The following ITPR2 variants were observed in gnomAD, a reference collection of about 807,000 sequenced individuals.
ITPR2 encodes inositol 1,4,5-trisphosphate-gated calcium channel ITPR2.
In ITPR2, 207 loss-of-function variants were observed where a neutral mutation model predicts 317.1. The observed-to-expected ratio is 0.65, with a 90% confidence interval of 0.58 to 0.73. ITPR2 has a LOEUF of 0.73. Among genes scored for constraint, ITPR2 ranks in the 30% least tolerant of loss-of-function variants. The pLI is 0.00. For missense variants in ITPR2, 2,613 were observed against 3,284.0 expected (o/e 0.80, Z 4.99); for synonymous variants, 1,156 against 1,149.1 (o/e 1.01, Z -0.12).
intron 55 of ITPR2, among the ~76,000 whole-genome samples, chr12:26,346,406 T>C (rs1334419497): frequency 6.6e-6 from 1 of 152,190 alleles, no homozygotes; most frequent in East Asian, 1.9e-4. Flanking sequence ...GCAGATCACC[T>C]GAGGTCAGGA....
In ITPR2 at chr12:26,335,587, G is replaced by T. The variant is rs755735409; in HGVS notation, c.*3810C>A. On this transcript the variant is annotated 3_prime_UTR_variant, in exon 57 of 57. Transcript: ENST00000381340. ...CAGCTTTCTCGATTTTCACATGCAC[G>T]TTAGGCTATCTGGTTTTGATAGTGC... Among the ~76,000 whole-genome samples the T allele has an allele frequency of 1.3e-5, 2 of 152,274 alleles. No individual in the cohort carries two copies. The highest frequency in any genetic ancestry group is 3.9e-4 in the East Asian group (2 of 5,190).
Position 26,387,452 on chromosome 12 carries a change from A to G in ITPR2, c.7839T>C (p.Tyr2613=). The change falls in exon 55 of 57, where the codon TAT becomes TAC. Residue 2613 remains tyrosine (Y), a synonymous_variant. Transcript: ENST00000381340. ...DPTEYTGPES[Y]VAQMIVEKNL... ...CACTCACCACAATCATTTGAGCCAC[A>G]TAACTTTCAGGTCCAGTGTATTCTG... 2 of 1,613,734 alleles carry G rather than the reference A, an allele frequency of 1.2e-6. No individual in the cohort carries two copies. The highest frequency in any genetic ancestry group is 1.7e-6 in the Non-Finnish European group (2 of 1,179,794).
intron 13 of ITPR2, among the ~76,000 whole-genome samples, chr12:26,667,141 A>T (rs1320478875): frequency 6.6e-6 from 1 of 152,238 alleles, no homozygotes; most frequent in Non-Finnish European, 1.5e-5. Flanking sequence ...TCATGAATAC[A>T]TTCATAAGAA....
chr12:26,611,085 G>A (rs1015469585), intron 26 of ITPR2, among the ~76,000 whole-genome samples: 10 of 152,204 alleles, frequency 6.6e-5, no homozygotes, highest in South Asian at 2.1e-4. Flanking sequence ...AAACTGTTCC[G>A]GCACCAGGCA....
At chr12:26,731,750 A>G (rs531824187) in intron 2 of ITPR2, among the ~76,000 whole-genome samples, 11 of 152,314 alleles carry the variant, frequency 7.2e-5, no homozygotes, top group African/African-American at 2.6e-4. Context: ...ATGAGCTATG[A>G]TCACACCACT....
chr12:26,782,808 ATAGTT>A (rs1565761026), intron 2 of ITPR2, among the ~76,000 whole-genome samples: 1 of 152,254 alleles, frequency 6.6e-6, no homozygotes, highest in Non-Finnish European at 1.5e-5. Context: ...CAAATCTGAA[ATAGTT>A]TCAGTCTTCA....
intron 34 of ITPR2, among the ~76,000 whole-genome samples, chr12:26,571,493 C>A (rs1307420585): frequency 6.6e-6 from 1 of 152,190 alleles, no homozygotes; most frequent in East Asian, 1.9e-4. Flanking sequence ...TTTGAAAACT[C>A]TATATATTTG....
Position 26,788,775 on chromosome 12 carries a change from T to A in ITPR2, c.163+1382A>T, listed in dbSNP as rs374896642. 4.7e-3 allele frequency among the ~76,000 whole-genome samples: 715 copies of A among 152,316 alleles called. 6 individuals are homozygous for A. Among genetic ancestry groups the A allele is most frequent in the African/African-American group, 0.016 (683 of 41,572 alleles). ...CTTCTTTGTATCTCTCTGTGCTATA[T>A]TCTGGGTGGTTTCCTCAGATCTCTC... On this transcript the variant is annotated intron_variant, in intron 2 of 56. Coordinates refer to ENST00000381340, the MANE Select transcript of ITPR2 (RefSeq NM_002223.4).
At chr12:26,525,148 C>T (rs985180784) in intron 37 of ITPR2, among the ~76,000 whole-genome samples, 1 of 152,122 alleles carries the variant, frequency 6.6e-6, no homozygotes, top group African/African-American at 2.4e-5. Flanking sequence ...AAAGATTTTA[C>T]TGTAAAATAT....
chr12:26,500,329 G>A (rs1010120402), intron 37 of ITPR2, among the ~76,000 whole-genome samples: 1 of 152,098 alleles, frequency 6.6e-6, no homozygotes, highest in African/African-American at 2.4e-5. Flanking sequence ...CAGAAATGAG[G>A]GAAGAACTAA....
chr12:26,380,513 C>T (rs1031830130), intron 55 of ITPR2, among the ~76,000 whole-genome samples: 4 of 152,134 alleles, frequency 2.6e-5, no homozygotes, highest in African/African-American at 9.7e-5. Flanking sequence ...GCTGCAAAGA[C>T]CCCCTTGGCT....
In ITPR2 at chr12:26,691,984, T is replaced by C. The variant is rs141759380; in HGVS notation, c.996+3622A>G. Among the ~76,000 whole-genome samples, 75 of 152,242 alleles carry C rather than the reference T, an allele frequency of 4.9e-4. No homozygotes were observed. In the East Asian group the frequency reaches 0.012, roughly 25 times the overall value. On this transcript the variant is annotated intron_variant, in intron 10 of 56. Transcript: ENST00000381340. The stretch of plus-strand genomic sequence containing the variant: ...AACAAACTGCTACTCTCCAATTAAT[T>C]TCTGATAGAACCTTTGTTTCTGTGT...
At chr12:26,434,039 T>C (rs1049251594) in intron 48 of ITPR2, among the ~76,000 whole-genome samples, 7 of 152,202 alleles carry the variant, frequency 4.6e-5, no homozygotes, top group Non-Finnish European at 1.0e-4. Context: ...ATGCTTATTA[T>C]AGAAAATGGA....
At position 26,725,759 on chromosome 12, in the gene ITPR2, A is replaced by T; in HGVS notation, c.170T>A (p.Leu57His). 1 of 1,610,138 alleles carries T rather than the reference A, an allele frequency of 6.2e-7. No homozygotes were observed. Among genetic ancestry groups the T allele is most frequent in the Non-Finnish European group, 8.5e-7 (1 of 1,176,730 alleles). Residue 57 changes from leucine (L) to histidine (H), a missense_variant, in exon 3 of 57, where the codon CTT becomes CAT. Leu to His is a moderately conservative substitution (Grantham distance 99). Around this residue, in one of 9 missense-constraint regions of ITPR2, gnomAD observed 515 missense variants for 789.4 expected, o/e 0.65. Transcript: ENST00000381340. ...ANPPKKFRDC[L>H]FKVCPMNRYS... The stretch of plus-strand genomic sequence containing the variant: ...TCTGTTCATAGGGCACACCTTGAAA[A>T]GGCAGTCTGTGACAAACCAACATAC...
chr12:26,722,623 T>A, intron 4 of ITPR2, 68 bp from the exon 5 acceptor site: 6 of 1,178,774 alleles, frequency 5.1e-6, no homozygotes, highest in Non-Finnish European at 6.1e-6. Flanking sequence ...ATTCATATGT[T>A]TTATACATGT....
chr12:26,461,627 A>AATATATATATATATATAT (rs754482854), intron 45 of ITPR2, among the ~76,000 whole-genome samples: 1 of 48,736 alleles, frequency 2.1e-5, no homozygotes, highest in African/African-American at 8.4e-5. Context: ...AAAGCATATA[A>AATATATATATATATATAT]ATATATATAT....
intron 55 of ITPR2, among the ~76,000 whole-genome samples, chr12:26,375,503 C>T (rs955730851): frequency 6.6e-6 from 1 of 152,232 alleles, no homozygotes; most frequent in Non-Finnish European, 1.5e-5. Flanking sequence ...GAAAAGTCAA[C>T]ATCCTCTTTC....
chr12:26,435,005 C>T (rs1296532904), intron 48 of ITPR2, among the ~76,000 whole-genome samples: 1 of 152,164 alleles, frequency 6.6e-6, no homozygotes, highest in Non-Finnish European at 1.5e-5. Context: ...ATATTTGCTA[C>T]ATTTTCACTG....
chr12:26,497,483 G>A (rs1046565003), intron 37 of ITPR2, among the ~76,000 whole-genome samples: 1 of 36,060 alleles, frequency 2.8e-5, no homozygotes, highest in African/African-American at 7.7e-5. Context: ...TTACTCCTAT[G>A]ATATTCAATT....
Sources: allele counts gnomAD v4.1 joint callset (sites outside exome capture counted in the v4.1 genomes callset), GRCh38; gene constraint gnomAD v4.1.1; regional missense constraint gnomAD v4.1.1; transcripts MANE v1.5; gene names NCBI Gene and HGNC (gene_info 2026-07-23, HGNC 2026-07-21).